The following GNG7 variants were observed in gnomAD, a reference collection of about 807,000 sequenced individuals.
GNG7 encodes the protein G protein subunit gamma 7.
GNG7 carries 1 observed loss-of-function variant against 4.0 expected under a neutral mutation model. The observed-to-expected ratio is 0.25, with a 90% CI of 0.09 to 1.18. The LOEUF is 1.18. GNG7 is among the 50% of genes most tolerant of loss of function. The pLI is 0.50. For missense variants in GNG7, 86 were observed against 91.9 expected, an observed-to-expected ratio of 0.94 and a Z score of 0.26; for synonymous variants, 34 against 36.9, an observed-to-expected ratio of 0.92 and a Z score of 0.29.
chr19:2,600,566 G>A (rs1981169305), intron 2 of GNG7, among the ~76,000 whole-genome samples: 2 of 151,428 alleles, frequency 1.3e-5, no homozygotes, highest in South Asian at 4.2e-4. Context: ...CCGCCTCCTG[G>A]GTTCAAGTGA....
In GNG7 at chr19:2,697,169, T is replaced by C. The variant is rs114450980; in HGVS notation, c.-135+5477A>G. On this transcript the variant is annotated intron_variant, in intron 1 of 4. Coordinates refer to ENST00000382159, the MANE Select transcript of GNG7 (RefSeq NM_052847.3). ...GATGTTTGCACAGCTGATAAACTTA[T>C]TTAAAAGATGGAATTGCATCCTTAA... is the stretch of plus-strand genomic sequence containing the variant. 6.3e-3 allele frequency among the ~76,000 whole-genome samples: 967 copies of C among 152,344 alleles called. 8 individuals carry two copies. Among genetic ancestry groups the C allele is most frequent in the African/African-American group, 0.022 (903 of 41,576 alleles).
At chr19:2,648,062 C>T (rs1416853516) in intron 1 of GNG7, among the ~76,000 whole-genome samples, 1 of 143,968 alleles carries the variant, frequency 6.9e-6, no homozygotes, top group African/African-American at 2.6e-5. Context: ...CACTTGGGAT[C>T]CAGGATAGGA....
In GNG7 at chr19:2,655,838, GAAAAAAAAAA is replaced by G. The variant is rs56041767; in HGVS notation, c.-134-9568_-134-9559del. Among the ~76,000 whole-genome samples the G allele has an allele frequency of 3.5e-4, 19 of 54,762 alleles. No homozygotes were observed. In the Admixed American group the frequency reaches 4.9e-3, roughly 14 times the overall value. 35.9% of individuals were successfully genotyped at this position (54,762 alleles called of 152,430 possible). A position where few individuals can be genotyped will look rare whatever the true frequency, so the allele number is the denominator to read the frequency against. On this transcript the variant is annotated intron_variant, in intron 1 of 4. Transcript: ENST00000382159. The stretch of plus-strand genomic sequence containing the variant: ...TGGGTGACGGAGAGAGGCTCCGTCT[GAAAAAAAAAA>G]AAAAAAAAAAAATACATATATATAT...
At chr19:2,519,496 G>A (rs1978297181) in intron 4 of GNG7, among the ~76,000 whole-genome samples, 1 of 151,442 alleles carries the variant, frequency 6.6e-6, no homozygotes. Flanking sequence ...CTATGTTGTT[G>A]CCCAGGCTGG....
Position 2,618,342 on chromosome 19 carries a change from GGTGT to G in GNG7, c.-78+27878_-78+27881del, listed in dbSNP as rs35982775. Among the ~76,000 whole-genome samples the G allele has an allele frequency of 0.016, 2,295 of 146,426 alleles. 50 individuals carry two copies. Among genetic ancestry groups the G allele is most frequent in the African/African-American group, 0.048 (1,931 of 39,944 alleles). ...TTCTCTTTTCTACCTGTATGTGTGT[GGTGT>G]GTGTGTGTGTGTGTGTGTGTGTGTG... On this transcript the variant is annotated intron_variant, in intron 2 of 4. Coordinates refer to ENST00000382159, the MANE Select transcript of GNG7 (RefSeq NM_052847.3). This position sits in a 1 kb window ranked among gnomAD's most constrained non-coding sequence, Gnocchi z 5.1.
chr19:2,644,818 C>G (rs1982622904), intron 2 of GNG7, among the ~76,000 whole-genome samples: 1 of 152,204 alleles, frequency 6.6e-6, no homozygotes, highest in Non-Finnish European at 1.5e-5. Context: ...CTTTTCATGG[C>G]TGAGTAACAC....
chr19:2,630,563 G>C (rs889597017), intron 2 of GNG7, among the ~76,000 whole-genome samples: 2 of 152,024 alleles, frequency 1.3e-5, no homozygotes, highest in South Asian at 2.1e-4. Context: ...AAAGAGCTGA[G>C]AGTTGCCCCC....
chr19:2,619,462 T>C (rs971555359), intron 2 of GNG7, among the ~76,000 whole-genome samples: 1 of 152,202 alleles, frequency 6.6e-6, no homozygotes, highest in Non-Finnish European at 1.5e-5. Context: ...TAGCAAGTAT[T>C]TGTTTATAGT....
In GNG7 at chr19:2,650,829, G is replaced by A. The variant is rs533554910; in HGVS notation, c.-134-4549C>T. ...TGGACAAATCACAATCGACCCGGGC[G>A]GCCAGCAGTGGAGACAAGGAGGAGA... On this transcript the variant is annotated intron_variant, in intron 1 of 4. Transcript: ENST00000382159. Among the ~76,000 whole-genome samples the A allele has an allele frequency of 3.3e-4, 50 of 152,330 alleles. 1 individual carries two copies. The highest frequency in any genetic ancestry group is 1.1e-3 in the African/African-American group (46 of 41,582).
At chr19:2,701,983 G>A (rs1913412334) in intron 1 of GNG7, among the ~76,000 whole-genome samples, 1 of 134,456 alleles carries the variant, frequency 7.4e-6, no homozygotes, top group Admixed American at 8.1e-5. Context: ...TGCGACTCTA[G>A]CCCCCTCCCC....
At chr19:2,678,950 G>A (rs1431204713) in intron 1 of GNG7, among the ~76,000 whole-genome samples, 1 of 152,138 alleles carries the variant, frequency 6.6e-6, no homozygotes, top group East Asian at 1.9e-4. Context: ...CCAAGCTACA[G>A]CTCCTATCCC....
chr19:2,556,667 G>A (rs946201890), intron 2 of GNG7, among the ~76,000 whole-genome samples: 3 of 152,142 alleles, frequency 2.0e-5, no homozygotes, highest in African/African-American at 4.8e-5. Flanking sequence ...CAGCCCAGCT[G>A]GGGAGGCCGA....
At chr19:2,644,382 A>ATATAAAG (rs1568272569) in intron 2 of GNG7, among the ~76,000 whole-genome samples, 33 of 109,106 alleles carry the variant, frequency 3.0e-4, no homozygotes, top group African/African-American at 8.4e-4. Flanking sequence ...TATATATATA[A>ATATAAAG]TGCTCTATCT....
intron 2 of GNG7, among the ~76,000 whole-genome samples, chr19:2,565,680 G>T (rs1359367642): frequency 6.6e-6 from 1 of 152,114 alleles, no homozygotes; most frequent in Non-Finnish European, 1.5e-5. Flanking sequence ...CCACCCGGAA[G>T]AACCTGATTG....
chr19:2,661,845 A>G (rs1452007600), intron 1 of GNG7, among the ~76,000 whole-genome samples: 1 of 152,178 alleles, frequency 6.6e-6, no homozygotes, highest in Non-Finnish European at 1.5e-5. Context: ...TCGAGCCTTC[A>G]GATGATACAG....
chr19:2,562,336 T>G (rs1979769090), intron 2 of GNG7, among the ~76,000 whole-genome samples: 2 of 151,484 alleles, frequency 1.3e-5, no homozygotes, highest in Non-Finnish European at 1.5e-5. Flanking sequence ...CAGGCTGGAG[T>G]GCAGTGGCGC....
chr19:2,544,637 C>T (rs956084523), intron 3 of GNG7, among the ~76,000 whole-genome samples: 1 of 152,202 alleles, frequency 6.6e-6, no homozygotes, highest in East Asian at 1.9e-4. Flanking sequence ...GTGATCTGCC[C>T]ACCTTGGCCT....
chr19:2,696,347 A>AAAG lies in GNG7; in HGVS notation c.-135+6298_-135+6299insCTT, dbSNP rs758616376. On this transcript the variant is annotated intron_variant, in intron 1 of 4. Coordinates refer to ENST00000382159, the MANE Select transcript of GNG7 (RefSeq NM_052847.3). ...GAAAGAAAGAAAGAAAGAAAGAAAG[A>AAAG]AAAGAAAGAAAAGAAAGAAAGAAAG... Among the ~76,000 whole-genome samples the AAAG allele has an allele frequency of 2.3e-3, 269 of 119,198 alleles. 1 individual carries two copies. The highest frequency in any genetic ancestry group is 8.3e-3 in the Middle Eastern group (2 of 242). 78.2% of individuals were successfully genotyped at this position (119,198 alleles called of 152,430 possible). A position where few individuals can be genotyped will look rare whatever the true frequency, so the allele number is the denominator to read the frequency against.
At chr19:2,524,078 GAACA>G (rs1043213246) in intron 3 of GNG7, among the ~76,000 whole-genome samples, 5 of 152,214 alleles carry the variant, frequency 3.3e-5, no homozygotes, top group Non-Finnish European at 7.3e-5. Context: ...TGCACGCAGA[GAACA>G]AACGGGCTGG....
Sources: allele counts gnomAD v4.1 joint callset (sites outside exome capture counted in the v4.1 genomes callset), GRCh38; gene constraint gnomAD v4.1.1; non-coding constraint Gnocchi (gnomAD v3.1); transcripts MANE v1.5; gene names NCBI Gene and HGNC (gene_info 2026-07-23, HGNC 2026-07-21).